Variants in ABCC2 observed in about 807,000 individuals in gnomAD.
ABCC2 encodes the protein ATP binding cassette subfamily C member 2, also known as ATP-binding cassette sub-family C member 2.
Under a neutral mutation model 173.4 loss-of-function variants are expected in ABCC2, and 157 were observed. That is an observed-to-expected ratio of 0.91 (90% CI 0.80 to 1.03). The LOEUF (loss-of-function observed/expected upper bound fraction) is 1.03. ABCC2 is among the 50% of genes least tolerant of loss of function. The pLI, the probability that ABCC2 is intolerant of heterozygous loss-of-function variation, is 0.00. For synonymous variants in ABCC2, 657 were observed against 693.5 expected (o/e 0.95, Z 0.83); for missense variants, 1,822 against 1,852.3 (o/e 0.98, Z 0.30).
At chr10:99,817,804 G>A (rs1182076344) in intron 17 of ABCC2, among the ~76,000 whole-genome samples, 1 of 152,240 alleles carries the variant, frequency 6.6e-6, no homozygotes, top group African/African-American at 2.4e-5. Context: ...AGTGGGACCA[G>A]AGCCTAGGTG....
chr10:99,831,527 T>C (rs2038737858), intron 21 of ABCC2, 84 bp from the exon 22 acceptor site: 16 of 1,386,012 alleles, frequency 1.2e-5, no homozygotes, highest in Non-Finnish European at 1.6e-5. Context: ...GGGACTCCAC[T>C]TCTCCTTGTG....
chr10:99,845,793 G>C lies in ABCC2; in HGVS notation c.4146+11G>C, dbSNP rs17216282. On this transcript the variant is annotated intron_variant, in intron 29 of 31. Coordinates refer to ENST00000647814, the MANE Select transcript of ABCC2 (RefSeq NM_000392.5). ...ACCATCATCCCCCAGGTGAGCTCTA[G>C]AACTTACTCGGGCACATGCCGTGGG... is the stretch of plus-strand genomic sequence containing the variant. The C allele has an allele frequency of 0.053, 85,574 of 1,606,394 alleles. 2,605 individuals are homozygous for C. The highest frequency in any genetic ancestry group is 0.13 in the Middle Eastern group (726 of 5,574).
At chr10:99,847,370 G>A (rs1471093044) in intron 30 of ABCC2, among the ~76,000 whole-genome samples, 2 of 152,192 alleles carry the variant, frequency 1.3e-5, no homozygotes, top group African/African-American at 4.8e-5. Context: ...GGGAGGCTGA[G>A]GCAGGTAGAT....
At chr10:99,794,047 AT>A (rs1464782119) in intron 5 of ABCC2, 48 bp downstream of exon 5, 4 of 1,505,352 alleles carry the variant, frequency 2.7e-6, no homozygotes, top group Non-Finnish European at 3.7e-6. Flanking sequence ...ATTGGATGAT[AT>A]CTTAATGAAT....
At position 99,836,217 on chromosome 10, in the gene ABCC2, C is replaced by T. The variant is rs1045996985; in HGVS notation, c.3541C>T (p.Arg1181Ter). Reference sequence around the variant, plus strand: ...TATCCGTGCCTTTGAGCACCAGCAGCGATTTCTGAAACACAATGAGGTGAG... The same window carrying T: ...TATCCGTGCCTTTGAGCACCAGCAGTGATTTCTGAAACACAATGAGGTGAG... ...PVIRAFEHQQ[R>*]FLKHNEVRID... The change falls in exon 25 of 32, where the codon CGA (arginine) becomes TGA (stop). Residue 1181 changes from arginine (R) to a stop codon, truncating the protein, a stop_gained. Transcript: ENST00000647814. LOFTEE classifies it high-confidence loss of function. 33 of 1,614,158 alleles carry T rather than the reference C, an allele frequency of 2.0e-5. No individual in the cohort carries two copies. Among genetic ancestry groups the T allele is most frequent in the East Asian group, 4.5e-5 (2 of 44,880 alleles).
chr10:99,804,988 A>T (rs1408449006), intron 10 of ABCC2, among the ~76,000 whole-genome samples: 1 of 152,092 alleles, frequency 6.6e-6, no homozygotes, highest in Non-Finnish European at 1.5e-5. Context: ...GGGTGATGAG[A>T]TAGTGAGTGA....
intron 28 of ABCC2, 94 bp downstream of exon 28, chr10:99,844,559 T>A (rs904638115): frequency 3.2e-5 from 48 of 1,522,918 alleles, no homozygotes; most frequent in Non-Finnish European, 4.1e-5. Flanking sequence ...GCCTTCATCA[T>A]TTGGATGGAG....
chr10:99,836,065 G>T, intron 24 of ABCC2, 26 bp from the exon 25 acceptor site: 10 of 1,611,356 alleles, frequency 6.2e-6, no homozygotes, highest in Non-Finnish European at 5.9e-6. Context: ...TGCGGGACTG[G>T]CTGATTCTTT....
At position 99,794,505 on chromosome 10, in the gene ABCC2, ACT is replaced by A. The variant is rs761595683; in HGVS notation, c.632+43_632+44del. On this transcript the variant is annotated intron_variant, in intron 6 of 31. Transcript: ENST00000647814. ...TGGAGTATGGATTGGCTGTATCCTT[ACT>A]CTCTCACTCCTCTGAAAGTGTCAGA... 31 of 1,546,476 alleles carry A rather than the reference ACT, an allele frequency of 2.0e-5. No individual in the cohort carries two copies. The South Asian group carries it at 2.8e-4, about 14-fold the overall frequency.
Position 99,851,734 on chromosome 10 carries a change from C to T in ABCC2, c.*103C>T, listed in dbSNP as rs984020980. The T allele has an allele frequency of 9.0e-6, 11 of 1,222,616 alleles. No homozygotes were observed. The highest frequency in any genetic ancestry group is 5.5e-4 in the Middle Eastern group (2 of 3,666). 75.7% of individuals were successfully genotyped at this position (1,222,616 alleles called of 1,614,324 possible). A position where few individuals can be genotyped will look rare whatever the true frequency, so the allele number is the denominator to read the frequency against. On this transcript the variant is annotated 3_prime_UTR_variant, in exon 32 of 32. Coordinates refer to ENST00000647814, the MANE Select transcript of ABCC2 (RefSeq NM_000392.5). Reference sequence around the variant, plus strand: ...CATACAAAAGTGTGTATAAAATGTACGTTTTAAAAAAGGATAAGTGAACAC... The same window carrying T: ...CATACAAAAGTGTGTATAAAATGTATGTTTTAAAAAAGGATAAGTGAACAC...
Position 99,817,449 on chromosome 10 carries a change from C to T in ABCC2, c.2236C>T (p.Leu746=). 2 of 1,614,130 alleles carry T rather than the reference C, an allele frequency of 1.2e-6. No individual in the cohort carries two copies. The highest frequency in any genetic ancestry group is 1.7e-6 in the Non-Finnish European group (2 of 1,180,020). ...ACALLPDLEM[L]PGGDLAEIGE... is the part of the protein sequence containing the mutation. The stretch of plus-strand genomic sequence containing the variant: ...TGCTCTCCTCCCAGACTTGGAAATG[C>T]TGCCTGGAGGAGATTTGGCTGAGAT... Residue 746 remains leucine (L), a synonymous_variant, in exon 17 of 32, where the codon CTG becomes TTG. Coordinates refer to ENST00000647814, the MANE Select transcript of ABCC2 (RefSeq NM_000392.5).
intron 11 of ABCC2, among the ~76,000 whole-genome samples, chr10:99,807,111 G>A (rs901785019): frequency 6.6e-6 from 1 of 152,218 alleles, no homozygotes; most frequent in Non-Finnish European, 1.5e-5. Flanking sequence ...CTTAAGACTG[G>A]AAGGCCTGTG....
intron 30 of ABCC2, among the ~76,000 whole-genome samples, chr10:99,850,350 T>A (rs2039071248): frequency 6.6e-6 from 1 of 152,218 alleles, no homozygotes; most frequent in African/African-American, 2.4e-5. Flanking sequence ...CTGCCCGCTC[T>A]GATTGAGCAA....
chr10:99,845,864 C>A, intron 29 of ABCC2, 82 bp downstream of exon 29: 1 of 1,446,674 alleles, frequency 6.9e-7, no homozygotes, highest in Non-Finnish European at 9.5e-7. Flanking sequence ...TTCTTGATGT[C>A]TGTTCAGTCA....
At position 99,810,184 on chromosome 10, in the gene ABCC2, G is replaced by C; in HGVS notation, c.1866G>C (p.Leu622Phe). The change falls in exon 14 of 32, where the codon TTG becomes TTC. Residue 622 changes from leucine to phenylalanine, a missense_variant. Leu to Phe is a conservative substitution (Grantham distance 22). Coordinates refer to ENST00000647814, the MANE Select transcript of ABCC2 (RefSeq NM_000392.5). ...AGAAGTACTTGGGAGGGGATGACTT[G>C]GACACATCTGCCATTCGACATGACT... ...RLEKYLGGDD[L>F]DTSAIRHDCN... 6.2e-7 allele frequency: 1 copy of C among 1,613,526 alleles called. No homozygotes were observed. The highest frequency in any genetic ancestry group is 8.5e-7 in the Non-Finnish European group (1 of 1,179,572).
intron 4 of ABCC2, 34 bp from the exon 5 acceptor site, chr10:99,793,858 G>T (rs2037850199): frequency 6.3e-7 from 1 of 1,592,522 alleles, no homozygotes; most frequent in East Asian, 2.2e-5. Flanking sequence ...TTGGACAAAA[G>T]GCTCATTTTT....
intron 16 of ABCC2, among the ~76,000 whole-genome samples, chr10:99,814,963 C>T (rs1377291031): frequency 6.6e-6 from 1 of 151,710 alleles, no homozygotes; most frequent in Non-Finnish European, 1.5e-5. Flanking sequence ...GCCACCATGC[C>T]CCACTAACTT....
rs756146134 is a variant in ABCC2 at position 99,850,800 on chromosome 10, A to G, written c.4508+4A>G. On this transcript the variant is annotated splice_donor_region_variant and intron_variant, in intron 31 of 31. Coordinates refer to ENST00000647814, the MANE Select transcript of ABCC2 (RefSeq NM_000392.5). ...ACACCATCATGGACAGTGACAAGTG[A>G]GTGTAGGGGGACAGGGCTTGACACG... The G allele has an allele frequency of 3.7e-6, 6 of 1,614,020 alleles. No individual in the cohort carries two copies. The Admixed American group carries it at 1.0e-4, about 27-fold the overall frequency.
intron 15 of ABCC2, among the ~76,000 whole-genome samples, chr10:99,812,558 T>C (rs2038234334): frequency 6.6e-6 from 1 of 151,784 alleles, no homozygotes; most frequent in Non-Finnish European, 1.5e-5. Context: ...AGTACCTAAT[T>C]TGGGAAATGT....
Sources: gnomAD v4.1 joint callset for allele counts (sites outside exome capture counted in the v4.1 genomes callset) on GRCh38, gnomAD v4.1.1 for gene constraint, MANE v1.5 for transcripts, NCBI Gene and HGNC (gene_info 2026-07-23, HGNC 2026-07-21) for gene names.